ALMS1: variants seen among roughly 807,000 people sequenced by gnomAD.
The protein encoded by ALMS1 is centrosome-associated protein ALMS1.
Under a neutral mutation model 352.2 loss-of-function variants are expected in ALMS1, and 271 were observed. The ratio of observed to expected loss-of-function variants is 0.77; its 90% CI spans 0.70 to 0.85. The LOEUF (loss-of-function observed/expected upper bound fraction) is 0.85. ALMS1 is among the 40% of genes least tolerant of loss of function. ALMS1 has a pLI of 0.00. For missense variants in ALMS1, 5,445 were observed against 4,870.7 expected (o/e 1.12, Z -3.51); for synonymous variants, 1,865 against 1,761.2 (o/e 1.06, Z -1.48).
At chr2:73,591,223 T>C (rs1490669544) in intron 16 of ALMS1, among the ~76,000 whole-genome samples, 1 of 152,220 alleles carries the variant, frequency 6.6e-6, no homozygotes, top group East Asian at 1.9e-4. Context: ...CCTCAAGATT[T>C]GTTTTTAAAA....
In ALMS1 at chr2:73,404,619, G is replaced by A. The variant is rs551273666; in HGVS notation, c.325-4003G>A. On this transcript the variant is annotated intron_variant, in intron 1 of 22. Coordinates refer to ENST00000613296, the MANE Select transcript of ALMS1 (RefSeq NM_001378454.1). ...ATGTTGAACCATCCTTGTATTCCAC[G>A]AATTCCACTTGGTCATGGTGTGTAA... is the stretch of plus-strand genomic sequence containing the variant. Among the ~76,000 whole-genome samples, 58 of 152,114 alleles carry A rather than the reference G, an allele frequency of 3.8e-4. 1 individual carries two copies. In the South Asian group the frequency reaches 5.8e-3, roughly 15 times the overall value.
At chr2:73,407,914 A>G (rs547710467) in intron 1 of ALMS1, among the ~76,000 whole-genome samples, 2 of 151,858 alleles carry the variant, frequency 1.3e-5, no homozygotes, top group South Asian at 4.1e-4. Context: ...CTTTGGAAGT[A>G]TAGTTTGTAA....
rs959966297 is a variant in ALMS1 at position 73,534,917 on chromosome 2, A to C, written c.9875A>C (p.Lys3292Thr). The stretch of plus-strand genomic sequence containing the variant: ...CAAATTCCTCCATCTCCGGATTCCA[A>C]ATCAGATACCACCGTTGAAAGCTCC... The part of the protein sequence containing the change: ...LRQIPPSPDS[K>T]SDTTVESSHS... The change falls in exon 12 of 23, where the codon AAA becomes ACA. Residue 3292 changes from lysine to threonine, a missense_variant. By Grantham distance (78) the Lys-to-Thr change is moderately conservative. Coordinates refer to ENST00000613296, the MANE Select transcript of ALMS1 (RefSeq NM_001378454.1). The C allele has an allele frequency of 6.2e-7, 1 of 1,613,832 alleles. No individual in the cohort carries two copies. The highest frequency in any genetic ancestry group is 8.5e-7 in the Non-Finnish European group (1 of 1,179,798).
chr2:73,415,552 C>T (rs12104700), intron 2 of ALMS1, among the ~76,000 whole-genome samples: 4 of 152,040 alleles, frequency 2.6e-5, no homozygotes, highest in East Asian at 1.9e-4. Flanking sequence ...CTCTCCTGCT[C>T]TACAATTATT....
intron 7 of ALMS1, among the ~76,000 whole-genome samples, chr2:73,441,610 A>ACTATTC (rs111395015): frequency 0.059 from 8,939 of 150,968 alleles, 641 homozygotes; most frequent in African/African-American, 0.16. Flanking sequence ...TCTCCTTCCC[A>ACTATTC]CTATTCCTAT....
At chr2:73,493,216 C>T (rs1673029146) in intron 10 of ALMS1, among the ~76,000 whole-genome samples, 1 of 151,384 alleles carries the variant, frequency 6.6e-6, no homozygotes, top group Non-Finnish European at 1.5e-5. Context: ...ATATTATTAC[C>T]TCAGTTGTGG....
intron 12 of ALMS1, among the ~76,000 whole-genome samples, chr2:73,539,435 C>T (rs1674111785): frequency 6.6e-6 from 1 of 152,042 alleles, no homozygotes; most frequent in African/African-American, 2.4e-5. Context: ...AAAAACAGAG[C>T]AGAAAAACTG....
intron 1 of ALMS1, among the ~76,000 whole-genome samples, chr2:73,407,229 A>T (rs1240564239): frequency 6.6e-6 from 1 of 151,774 alleles, no homozygotes; most frequent in African/African-American, 2.4e-5. Flanking sequence ...CTACCAGTCC[A>T]CTCTCATGAT....
intron 18 of ALMS1, 72 bp from the exon 19 acceptor site, chr2:73,601,123 C>A: frequency 1.2e-6 from 2 of 1,605,034 alleles, no homozygotes; most frequent in South Asian, 1.1e-5. Context: ...ATATGCATAT[C>A]CTGGATAAGA....
rs1326670040 is a variant in ALMS1, at chr2:73,453,435, T to A, written c.6908T>A (p.Phe2303Tyr). 1 of 1,613,348 alleles carries A rather than the reference T, an allele frequency of 6.2e-7. No homozygotes were observed. The highest frequency in any genetic ancestry group is 1.1e-5 in the South Asian group (1 of 91,058). ...SFIQSKKVVC[F>Y]KEPSSTGVSN... The stretch of plus-strand genomic sequence containing the variant: ...ATACAATCTAAGAAGGTGGTTTGCT[T>A]CAAAGAACCCTCTTCCACGGGTGTA... The change falls in exon 8 of 23, where the codon TTC (phenylalanine) becomes TAC (tyrosine). Residue 2303 changes from phenylalanine to tyrosine, a missense_variant. By Grantham distance (22) the Phe-to-Tyr change is conservative. Coordinates refer to ENST00000613296, the MANE Select transcript of ALMS1 (RefSeq NM_001378454.1).
chr2:73,499,702 T>C (rs1673181854), intron 10 of ALMS1, among the ~76,000 whole-genome samples: 1 of 152,168 alleles, frequency 6.6e-6, no homozygotes, highest in Non-Finnish European at 1.5e-5. Context: ...CAAAATCTCA[T>C]ATTGAAATTT....
chr2:73,574,359 G>A (rs1675007909), intron 16 of ALMS1, among the ~76,000 whole-genome samples: 1 of 152,078 alleles, frequency 6.6e-6, no homozygotes, highest in African/African-American at 2.4e-5. Flanking sequence ...CTTGCAAAAT[G>A]GTTCAGTGGA....
At chr2:73,399,308 G>A (rs565278757) in intron 1 of ALMS1, among the ~76,000 whole-genome samples, 12 of 152,138 alleles carry the variant, frequency 7.9e-5, no homozygotes, top group Non-Finnish European at 1.2e-4. Flanking sequence ...GTATTATGTC[G>A]TCATTGTGTT....
intron 10 of ALMS1, among the ~76,000 whole-genome samples, chr2:73,493,827 G>T (rs1673042505): frequency 1.3e-5 from 2 of 152,220 alleles, no homozygotes; most frequent in African/African-American, 4.8e-5. Flanking sequence ...CTTAGGAGTT[G>T]CAGAAATAGC....
intron 19 of ALMS1, 130 bp from the exon 20 acceptor site, chr2:73,602,055 A>G: frequency 2.1e-6 from 2 of 947,520 alleles, no homozygotes; most frequent in South Asian, 1.4e-5. Context: ...CTTCAACGCT[A>G]GATACTTTCT....
chr2:73,568,032 A>G (rs995060907), intron 15 of ALMS1, among the ~76,000 whole-genome samples: 6 of 152,188 alleles, frequency 3.9e-5, no homozygotes, highest in South Asian at 4.1e-4. Context: ...TTACAAATCA[A>G]TGACAGCCTA....
chr2:73,573,567 A>G (rs1674991207), intron 16 of ALMS1, 143 bp downstream of exon 16: 1 of 805,558 alleles, frequency 1.2e-6, no homozygotes. Flanking sequence ...AGAGTGAGAA[A>G]GTGTAGTACA....
At chr2:73,393,872 A>T (rs1241719910) in intron 1 of ALMS1, among the ~76,000 whole-genome samples, 1 of 145,892 alleles carries the variant, frequency 6.9e-6, no homozygotes, top group East Asian at 2.0e-4. Context: ...GCTGGAGTGC[A>T]TGCAGTGGTG....
intron 12 of ALMS1, among the ~76,000 whole-genome samples, chr2:73,545,019 G>T (rs1674282782): frequency 6.6e-6 from 1 of 152,118 alleles, no homozygotes; most frequent in Non-Finnish European, 1.5e-5. Context: ...TTTACTAGGG[G>T]CTGGGGCTAG....
Sources: gnomAD v4.1 joint callset for allele counts (sites outside exome capture counted in the v4.1 genomes callset) on GRCh38, gnomAD v4.1.1 for gene constraint, MANE v1.5 for transcripts, NCBI Gene and HGNC (gene_info 2026-07-23, HGNC 2026-07-21) for gene names.